Variants in PCBD2 observed in about 807,000 individuals in gnomAD.
PCBD2 encodes pterin-4-alpha-carbinolamine dehydratase 2.
Under a neutral mutation model 16.4 loss-of-function variants are expected in PCBD2, and 12 were observed. That is an observed-to-expected ratio of 0.73 (90% confidence interval 0.47 to 1.19). PCBD2 has a LOEUF of 1.19. PCBD2 is among the 50% of genes most tolerant of loss of function. The pLI, the probability that PCBD2 is intolerant of heterozygous loss-of-function variation, is 0.00. For missense variants in PCBD2, 138 were observed against 156.8 expected, an observed-to-expected ratio of 0.88 and a Z score of 0.64; for synonymous variants, 58 against 61.8, an observed-to-expected ratio of 0.94 and a Z score of 0.29.
chr5:134,950,738 TTCA>T (rs1411356417), intron 2 of PCBD2, among the ~76,000 whole-genome samples: 1 of 152,246 alleles, frequency 6.6e-6, no homozygotes, highest in East Asian at 1.9e-4. Context: ...AAAGTCATAC[TTCA>T]TCATACATTC....
chr5:134,913,906 G>A (rs1750798090), intron 2 of PCBD2, among the ~76,000 whole-genome samples: 1 of 152,170 alleles, frequency 6.6e-6, no homozygotes, highest in Non-Finnish European at 1.5e-5. Context: ...TGCCACTGGA[G>A]CCATTTACTG....
At chr5:134,916,415 A>G (rs1223934169) in intron 2 of PCBD2, among the ~76,000 whole-genome samples, 2 of 152,170 alleles carry the variant, frequency 1.3e-5, no homozygotes, top group East Asian at 3.8e-4. Context: ...GTATGATTTT[A>G]CTTGGTTGGG....
At chr5:134,910,649 T>G (rs1446661546) in intron 2 of PCBD2, among the ~76,000 whole-genome samples, 183 bp downstream of exon 2, 2 of 152,206 alleles carry the variant, frequency 1.3e-5, no homozygotes, top group Admixed American at 6.5e-5. Context: ...CTGGGTGGTG[T>G]TTAGCTCTGG....
intron 2 of PCBD2, among the ~76,000 whole-genome samples, chr5:134,923,133 T>C (rs895488029): frequency 6.6e-6 from 1 of 152,238 alleles, no homozygotes; most frequent in African/African-American, 2.4e-5. Context: ...TGAGACTTGC[T>C]AAGTGACTTG....
intron 2 of PCBD2, among the ~76,000 whole-genome samples, chr5:134,933,351 T>C (rs1751120887): frequency 2.0e-5 from 3 of 152,168 alleles, no homozygotes; most frequent in Admixed American, 1.3e-4. Context: ...TCCTCCTACC[T>C]CAGCCTCCTG....
intron 2 of PCBD2, chr5:134,927,980 T>C (rs1751037990): frequency 5.0e-6 from 2 of 396,514 alleles, no homozygotes; most frequent in Admixed American, 4.4e-5. Flanking sequence ...TTATGTGTTT[T>C]TTGGAGAGTC....
At chr5:134,924,743 C>T (rs79218211) in intron 2 of PCBD2, 85 of 394,566 alleles carry the variant, frequency 2.2e-4, no homozygotes, top group Non-Finnish European at 3.1e-4. Flanking sequence ...ATGATGGAGG[C>T]GGAGATTTGG....
chr5:134,925,266 G>A (rs970879052), intron 2 of PCBD2: 2 of 398,364 alleles, frequency 5.0e-6, no homozygotes, highest in East Asian at 3.6e-5. Context: ...ATATGTTTGC[G>A]GTTTCGATGA....
rs1259753971 is a variant in PCBD2 at position 134,941,984 on chromosome 5, G to A, written c.217-17056G>A. On this transcript the variant is annotated intron_variant, in intron 2 of 3. Transcript: ENST00000254908. ...AAGTACCAAAAAAAAAAAAAAGTTA[G>A]CCGGGCGTGGTGGCGGGTGCCTGTA... Among the ~76,000 whole-genome samples the A allele has an allele frequency of 2.0e-5, 3 of 150,726 alleles. No individual in the cohort carries two copies. The East Asian group carries it at 5.8e-4, about 29-fold the overall frequency.
chr5:134,940,473 T>C (rs1305070281), intron 2 of PCBD2, among the ~76,000 whole-genome samples: 2 of 152,118 alleles, frequency 1.3e-5, no homozygotes, highest in Admixed American at 6.6e-5. Context: ...GGTGGTCATA[T>C]TTCCTAAGGT....
chr5:134,952,174 T>C lies in PCBD2; in HGVS notation c.217-6866T>C, dbSNP rs554323899. ...TGTTGACTTTTTTTTTTTTTTTGTC[T>C]TATTCTTGACTTTAATGGGAATTCT... is the stretch of plus-strand genomic sequence containing the variant. On this transcript the variant is annotated intron_variant, in intron 2 of 3. Coordinates refer to ENST00000254908, the MANE Select transcript of PCBD2 (RefSeq NM_032151.5). Among the ~76,000 whole-genome samples the C allele has an allele frequency of 4.5e-3, 676 of 151,888 alleles. 5 individuals carry two copies. The highest frequency in any genetic ancestry group is 0.015 in the African/African-American group (628 of 41,482).
At position 134,910,254 on chromosome 5, in the gene PCBD2, CT is replaced by C. The variant is rs1314558522; in HGVS notation, c.85-80del. On this transcript the variant is annotated intron_variant, in intron 1 of 3. Coordinates refer to ENST00000254908, the MANE Select transcript of PCBD2 (RefSeq NM_032151.5). ...TGTTGCCTTTCAGACTTTTCTACATCTCTGCTTAAGGTAAGGAGCCATAAGT... is the reference window on the plus strand; with the variant it reads ...TGTTGCCTTTCAGACTTTTCTACATCCTGCTTAAGGTAAGGAGCCATAAGT... The C allele has an allele frequency of 1.1e-5, 16 of 1,447,254 alleles. No homozygotes were observed. In the Admixed American group the frequency reaches 3.3e-4, roughly 30 times the overall value. The allele number at this position is 1,447,254 out of a possible 1,614,324, so 89.7% of individuals were successfully genotyped here. A position where few individuals can be genotyped will look rare whatever the true frequency, so the allele number is the denominator to read the frequency against.
rs1055259555 is a variant in PCBD2 at position 134,962,001 on chromosome 5, G to A, written c.*1320G>A. Among the ~76,000 whole-genome samples the A allele has an allele frequency of 6.6e-6, 1 of 151,418 alleles. No individual in the cohort carries two copies. The highest frequency in any genetic ancestry group is 2.4e-5 in the African/African-American group (1 of 41,182). ...GCCTTGAACTCTTGGGCTCAAGCAA[G>A]CCTCCCACCTCTGCCTCCCAAAGTC... On this transcript the variant is annotated 3_prime_UTR_variant, in exon 4 of 4. Transcript: ENST00000254908.
intron 2 of PCBD2, chr5:134,925,140 G>T: frequency 2.5e-6 from 1 of 397,954 alleles, no homozygotes; most frequent in South Asian, 1.3e-4. Flanking sequence ...TAATGTTAGT[G>T]AGGGCTGGGA....
At chr5:134,923,595 G>GCGGA in intron 2 of PCBD2, 1 of 345,808 alleles carries the variant, frequency 2.9e-6, no homozygotes, top group East Asian at 4.3e-5. Flanking sequence ...GTATGGGACG[G>GCGGA]CGGATAGCAG....
intron 2 of PCBD2, among the ~76,000 whole-genome samples, chr5:134,945,161 A>G (rs1490277793): frequency 1.3e-5 from 2 of 152,340 alleles, no homozygotes; most frequent in African/African-American, 4.8e-5. Flanking sequence ...TCCCTGTAGC[A>G]GTTGCATCAA....
chr5:134,953,166 G>C (rs1445124481), intron 2 of PCBD2, among the ~76,000 whole-genome samples: 1 of 151,668 alleles, frequency 6.6e-6, no homozygotes, highest in Non-Finnish European at 1.5e-5. Context: ...TTGCACAGAT[G>C]AGTTTAGTCT....
At chr5:134,936,512 T>C (rs765665386) in intron 2 of PCBD2, among the ~76,000 whole-genome samples, 1 of 152,350 alleles carries the variant, frequency 6.6e-6, no homozygotes, top group Non-Finnish European at 1.5e-5. Context: ...AACAGACTGT[T>C]GGGAAGATTC....
At chr5:134,950,728 A>C (rs1435663547) in intron 2 of PCBD2, among the ~76,000 whole-genome samples, 1 of 152,234 alleles carries the variant, frequency 6.6e-6, no homozygotes, top group African/African-American at 2.4e-5. Flanking sequence ...AGTAACTTAA[A>C]AAGTCATACT....
Sources: gnomAD v4.1 joint callset for allele counts (sites outside exome capture counted in the v4.1 genomes callset) on GRCh38, gnomAD v4.1.1 for gene constraint, MANE v1.5 for transcripts, NCBI Gene and HGNC (gene_info 2026-07-23, HGNC 2026-07-21) for gene names.